Variants in BCL11A observed in about 807,000 individuals in gnomAD.
BCL11A encodes BCL11 transcription factor A.
A neutral mutation model predicts 55.9 loss-of-function variants in BCL11A; 2 were observed. That is an observed-to-expected ratio of 0.04 (90% CI 0.01 to 0.11). The LOEUF (loss-of-function observed/expected upper bound fraction) is 0.11, where lower values mean the gene tolerates loss of function less well. Among genes scored for constraint, BCL11A ranks in the 10% least tolerant of loss-of-function variants. The pLI is 1.00. For missense variants in BCL11A, 817 were observed against 1,137.1 expected (o/e 0.72, Z 4.05); for synonymous variants, 465 against 473.4 (o/e 0.98, Z 0.23).
intron 1 of BCL11A, among the ~76,000 whole-genome samples, chr2:60,549,052 G>C (rs1573101386): frequency 6.6e-6 from 1 of 152,262 alleles, no homozygotes; most frequent in East Asian, 1.9e-4. Context: ...CTAAACTCCG[G>C]CTACAAAGCA....
In BCL11A at chr2:60,458,064, T is replaced by C. The variant is rs554780990; in HGVS notation, c.*2340A>G. On this transcript the variant is annotated 3_prime_UTR_variant, in exon 4 of 4. Transcript: ENST00000642384. ...TTTTTCCACTACCAAAAAAGGTACA[T>C]TGATACCTTTTAAGAGAACAAGCAA... is the stretch of plus-strand genomic sequence containing the variant. 4 of 1,032,734 alleles carry C rather than the reference T, an allele frequency of 3.9e-6. No individual in the cohort carries two copies. The highest frequency in any genetic ancestry group is 9.2e-5 in the South Asian group (2 of 21,674). The allele number at this position is 1,032,734 out of a possible 1,614,324, so 64.0% of individuals were successfully genotyped here. A position where few individuals can be genotyped will look rare whatever the true frequency, so the allele number is the denominator to read the frequency against.
downstream of BCL11A, among the ~76,000 whole-genome samples, chr2:60,454,785 T>C (rs1001417677): frequency 2.0e-4 from 31 of 152,206 alleles, no homozygotes; most frequent in African/African-American, 6.5e-4. Context: ...ATTTCTCCAA[T>C]TGGAATTATA....
chr2:60,451,308 A>G (rs1675714172), exon 5 of BCL11A: 1 of 227,352 alleles, frequency 4.4e-6, no homozygotes, highest in African/African-American at 2.2e-5. Flanking sequence ...CTGTATGTGA[A>G]TCTACAGCAC....
chr2:60,540,584 C>T (rs976760518), intron 2 of BCL11A, among the ~76,000 whole-genome samples: 11 of 152,110 alleles, frequency 7.2e-5, no homozygotes, highest in Admixed American at 6.6e-5. Flanking sequence ...TGAGAAATCA[C>T]AAAAATCTAA....
chr2:60,521,091 A>T (rs1002049721), intron 2 of BCL11A, among the ~76,000 whole-genome samples: 80 of 80,448 alleles, frequency 9.9e-4, no homozygotes, highest in South Asian at 1.8e-3. Context: ...ACACACACAC[A>T]CACACACACT....
In BCL11A at chr2:60,510,008, C is replaced by T. The variant is rs541323415; in HGVS notation, c.385+35963G>A. Among the ~76,000 whole-genome samples, 14 of 152,182 alleles carry T rather than the reference C, an allele frequency of 9.2e-5. 1 individual carries two copies. Among genetic ancestry groups the T allele is most frequent in the Non-Finnish European group, 2.1e-4 (14 of 68,032 alleles). On this transcript the variant is annotated intron_variant, in intron 2 of 3. Transcript: ENST00000642384. ...TCATACAACCCATCCCACCAGTCAG[C>T]AAATCCTGCCGGTTTTCCCTTCGAA...
intron 2 of BCL11A, among the ~76,000 whole-genome samples, chr2:60,509,087 G>T (rs1679825860): frequency 6.6e-6 from 1 of 152,200 alleles, no homozygotes; most frequent in Admixed American, 6.5e-5. Context: ...TTTCTCATCA[G>T]ACTCCGAAAT....
chr2:60,543,975 A>G (rs1461921671), intron 2 of BCL11A: 2 of 152,240 alleles, frequency 1.3e-5, no homozygotes, highest in Non-Finnish European at 2.9e-5. Context: ...AGGGAGTTCA[A>G]GCAAATATCT....
intron 2 of BCL11A, among the ~76,000 whole-genome samples, chr2:60,531,235 T>C (rs1669444888): frequency 6.6e-6 from 1 of 151,656 alleles, no homozygotes; most frequent in Admixed American, 6.6e-5. Flanking sequence ...TGCCCGACGG[T>C]CCTGCACACA....
chr2:60,453,348 T>C (rs1292021500), downstream of BCL11A, among the ~76,000 whole-genome samples: 1 of 152,208 alleles, frequency 6.6e-6, no homozygotes, highest in Non-Finnish European at 1.5e-5. Context: ...TCCCTTGCTG[T>C]GGACATTGAC....
downstream of BCL11A, among the ~76,000 whole-genome samples, chr2:60,455,623 A>C (rs1268960394): frequency 6.6e-6 from 1 of 152,240 alleles, no homozygotes; most frequent in Non-Finnish European, 1.5e-5. Context: ...ATTTGAACAG[A>C]CAAGTGTACA....
intron 2 of BCL11A, among the ~76,000 whole-genome samples, chr2:60,514,058 C>T (rs1668613274): frequency 6.6e-6 from 1 of 152,242 alleles, no homozygotes; most frequent in Non-Finnish European, 1.5e-5. Flanking sequence ...GCTGAGGCAG[C>T]ACACAAGGAC....
In BCL11A at chr2:60,553,317, C is replaced by A. The variant is rs781461905; in HGVS notation, c.-47G>T. The A allele has an allele frequency of 1.7e-5, 26 of 1,487,050 alleles. No homozygotes were observed. Among genetic ancestry groups the A allele is most frequent in the East Asian group, 2.5e-5 (1 of 40,712 alleles). 92.1% of individuals were successfully genotyped at this position (1,487,050 alleles called of 1,614,324 possible). On this transcript the variant is annotated 5_prime_UTR_variant, in exon 1 of 4. Coordinates refer to ENST00000642384, the MANE Select transcript of BCL11A (RefSeq NM_022893.4). ...CGGCGGCGGCGGCGGCGGCGGCGGG[C>A]GGACGACGGCTCGGTTCACATCGGG... is the stretch of plus-strand genomic sequence containing the variant.
chr2:60,501,861 G>A (rs947604015), intron 2 of BCL11A, among the ~76,000 whole-genome samples: 1 of 151,974 alleles, frequency 6.6e-6, no homozygotes, highest in South Asian at 2.1e-4. Flanking sequence ...AATTTAAGAC[G>A]GGAAAACAGG....
intron 2 of BCL11A, chr2:60,542,210 T>C: frequency 4.2e-6 from 1 of 239,054 alleles, no homozygotes; most frequent in Non-Finnish European, 8.0e-6. Context: ...CTACATTTTA[T>C]AGGACTTGTC....
chr2:60,545,908 T>C (rs1670126878), intron 2 of BCL11A, 63 bp downstream of exon 2: 1 of 1,453,302 alleles, frequency 6.9e-7, no homozygotes. Context: ...ACTGCTTGGC[T>C]ACAGCACCTC....
intron 1 of BCL11A, among the ~76,000 whole-genome samples, chr2:60,551,230 C>A (rs896387786): frequency 2.0e-5 from 3 of 152,234 alleles, no homozygotes; most frequent in African/African-American, 7.2e-5. Context: ...TTCCTAAGTG[C>A]CCACCGCCCG....
chr2:60,471,148 C>G (rs1677171372), intron 2 of BCL11A, among the ~76,000 whole-genome samples: 1 of 152,234 alleles, frequency 6.6e-6, no homozygotes, highest in Non-Finnish European at 1.5e-5. Flanking sequence ...TGCCAATGAA[C>G]TGACTTGGTC....
chr2:60,451,418 G>C (rs1410620599), exon 5 of BCL11A: 1 of 228,512 alleles, frequency 4.4e-6, no homozygotes, highest in Non-Finnish European at 8.7e-6. Context: ...ACCAAACTGA[G>C]AAAAGTTCTG....
Sources: allele counts gnomAD v4.1 joint callset (sites outside exome capture counted in the v4.1 genomes callset), GRCh38; gene constraint gnomAD v4.1.1; transcripts MANE v1.5; gene names NCBI Gene and HGNC (gene_info 2026-07-23, HGNC 2026-07-21).